The following PACRG variants were observed in gnomAD, a reference collection of about 807,000 sequenced individuals.
PACRG encodes the protein parkin coregulated gene protein.
A neutral mutation model predicts 29.7 loss-of-function variants in PACRG; 29 were observed. The observed-to-expected ratio is 0.98, with a 90% CI of 0.73 to 1.33. PACRG has a LOEUF of 1.33. Among genes scored for constraint, PACRG ranks in the 40% most tolerant of loss-of-function variants. PACRG has a pLI of 0.00. For missense variants in PACRG, 279 were observed against 316.2 expected (o/e 0.88, Z 0.89); for synonymous variants, 116 against 118.7 (o/e 0.98, Z 0.15).
intron 4 of PACRG, among the ~76,000 whole-genome samples, chr6:163,309,610 C>T (rs1785330026): frequency 6.6e-6 from 1 of 152,202 alleles, no homozygotes; most frequent in African/African-American, 2.4e-5. Context: ...TCTCAGTCAC[C>T]TCTTAACCAT....
chr6:163,254,458 T>C (rs975569136), intron 4 of PACRG, among the ~76,000 whole-genome samples: 2 of 152,174 alleles, frequency 1.3e-5, no homozygotes, highest in South Asian at 2.1e-4. Context: ...TCCATTGTTA[T>C]ATGTTTTGCT....
At chr6:162,886,350 A>G (rs755137630) in intron 2 of PACRG, among the ~76,000 whole-genome samples, 35 of 151,910 alleles carry the variant, frequency 2.3e-4, no homozygotes, top group Non-Finnish European at 4.6e-4. Context: ...CTCATCATCC[A>G]TCTCCTTCCT....
intron 4 of PACRG, among the ~76,000 whole-genome samples, chr6:163,103,885 A>G (rs1324678349): frequency 6.6e-6 from 1 of 152,212 alleles, no homozygotes; most frequent in African/African-American, 2.4e-5. Context: ...GACTTGCCCA[A>G]GGTCACAGGG....
At chr6:163,146,745 G>A (rs1458730761) in intron 4 of PACRG, among the ~76,000 whole-genome samples, 1 of 152,142 alleles carries the variant, frequency 6.6e-6, no homozygotes, top group African/African-American at 2.4e-5. Flanking sequence ...ATCTGTTCTT[G>A]TATTTTGCCT....
intron 4 of PACRG, among the ~76,000 whole-genome samples, chr6:163,278,673 A>G (rs1274199070): frequency 2.0e-5 from 3 of 152,120 alleles, no homozygotes; most frequent in African/African-American, 7.2e-5. Flanking sequence ...TGGGTTCTCT[A>G]TTCTGTTCCA....
intron 4 of PACRG, among the ~76,000 whole-genome samples, chr6:163,276,407 A>G (rs7750165): frequency 0.49 from 74,474 of 151,974 alleles, 19,122 homozygotes; most frequent in African/African-American, 0.65. Flanking sequence ...TTTTGTTTCC[A>G]CTAGGTTCGA....
At chr6:163,037,169 G>C (rs145192417) in intron 2 of PACRG, among the ~76,000 whole-genome samples, 71 of 152,242 alleles carry the variant, frequency 4.7e-4, no homozygotes, top group African/African-American at 1.6e-3. Flanking sequence ...TGAAATCTGG[G>C]AGTGGCAGAA....
intron 2 of PACRG, among the ~76,000 whole-genome samples, chr6:163,004,251 A>G (rs1215723819): frequency 2.0e-5 from 3 of 150,382 alleles, no homozygotes; most frequent in Non-Finnish European, 4.4e-5. Flanking sequence ...AAATATGTAT[A>G]TGAACATATA....
chr6:162,727,572 C>T, upstream of PACRG: 1 of 1,370,606 alleles, frequency 7.3e-7, no homozygotes, highest in Admixed American at 2.0e-5. Flanking sequence ...CAGTTGGCAC[C>T]GGGGGTCCTG....
At chr6:162,757,780 T>C (rs567450547) in intron 1 of PACRG, among the ~76,000 whole-genome samples, 3 of 152,126 alleles carry the variant, frequency 2.0e-5, no homozygotes, top group South Asian at 2.1e-4. Flanking sequence ...GTAAGATACA[T>C]TGGCTTGACT....
intron 4 of PACRG, among the ~76,000 whole-genome samples, chr6:163,158,009 A>G (rs1370771355): frequency 6.6e-6 from 1 of 152,226 alleles, no homozygotes. Flanking sequence ...AGAAATGGAA[A>G]ACAAAATATT....
At chr6:162,873,056 T>C (rs1792964310) in intron 2 of PACRG, among the ~76,000 whole-genome samples, 1 of 152,234 alleles carries the variant, frequency 6.6e-6, no homozygotes, top group Admixed American at 6.5e-5. Context: ...CATGTAAGCC[T>C]AACCCAGATG....
intron 2 of PACRG, among the ~76,000 whole-genome samples, chr6:162,836,128 T>G (rs1789202103): frequency 6.6e-6 from 1 of 152,170 alleles, no homozygotes; most frequent in Non-Finnish European, 1.5e-5. Context: ...ATTTTTTACT[T>G]ATTTTTGGTA....
intron 3 of PACRG, among the ~76,000 whole-genome samples, chr6:163,066,618 A>T (rs940852660): frequency 6.6e-6 from 1 of 152,222 alleles, no homozygotes; most frequent in African/African-American, 2.4e-5. Flanking sequence ...AAAGGTAGTT[A>T]AACAGAGTCT....
intron 3 of PACRG, among the ~76,000 whole-genome samples, chr6:163,068,583 C>T (rs1008439327): frequency 4.0e-5 from 6 of 151,188 alleles, no homozygotes; most frequent in Non-Finnish European, 8.8e-5. Flanking sequence ...ACAGTATCTT[C>T]TCTCTGTTTT....
chr6:163,265,596 G>GTT (rs1783504215), intron 4 of PACRG, among the ~76,000 whole-genome samples: 6 of 152,130 alleles, frequency 3.9e-5, no homozygotes, highest in Admixed American at 3.9e-4. Flanking sequence ...AGTGTTAGCT[G>GTT]ATGTTATTAT....
intron 4 of PACRG, among the ~76,000 whole-genome samples, chr6:163,105,779 G>A (rs1815348956): frequency 6.6e-6 from 1 of 152,140 alleles, no homozygotes; most frequent in East Asian, 1.9e-4. Context: ...ATCAGTCATG[G>A]AAAGTTAGAA....
chr6:162,959,460 A>G (rs544867995), intron 2 of PACRG, among the ~76,000 whole-genome samples: 1 of 152,194 alleles, frequency 6.6e-6, no homozygotes, highest in Admixed American at 6.5e-5. Flanking sequence ...TGCAAAGAAC[A>G]AGGAGGTCAG....
chr6:163,130,386 A>G (rs1816686690), intron 4 of PACRG, among the ~76,000 whole-genome samples: 1 of 152,150 alleles, frequency 6.6e-6, no homozygotes, highest in Non-Finnish European at 1.5e-5. Context: ...CTTGGCCTTA[A>G]GTCAGGAACT....
Sources: gnomAD v4.1 joint callset for allele counts (sites outside exome capture counted in the v4.1 genomes callset) on GRCh38, gnomAD v4.1.1 for gene constraint, MANE v1.5 for transcripts, NCBI Gene and HGNC (gene_info 2026-07-23, HGNC 2026-07-21) for gene names.